PCDH9: variants seen among roughly 807,000 people sequenced by gnomAD.
PCDH9 encodes the protein protocadherin-9.
A neutral mutation model predicts 70.6 loss-of-function variants in PCDH9; 24 were observed. The ratio of observed to expected loss-of-function variants is 0.34; its 90% confidence interval spans 0.25 to 0.48. The LOEUF is 0.48. PCDH9 is among the 20% of genes least tolerant of loss of function. PCDH9 has a pLI of 0.99. For synonymous variants in PCDH9, 562 were observed against 558.5 expected (o/e 1.01, Z -0.09); for missense variants, 1,281 against 1,503.6 (o/e 0.85, Z 2.45).
At chr13:67,027,071 G>C (rs1173313047) in intron 2 of PCDH9, among the ~76,000 whole-genome samples, 1 of 151,982 alleles carries the variant, frequency 6.6e-6, no homozygotes, top group Non-Finnish European at 1.5e-5. Context: ...CTACTTTAAA[G>C]TTCATATGGA....
At chr13:66,906,944 G>A (rs187076796) in intron 2 of PCDH9, among the ~76,000 whole-genome samples, 1 of 150,592 alleles carries the variant, frequency 6.6e-6, no homozygotes, top group African/African-American at 2.4e-5. Flanking sequence ...AGTGGCTCAC[G>A]CCTGTAATCC....
intron 2 of PCDH9, chr13:67,218,472 CA>C (rs1422577836): frequency 3.3e-5 from 5 of 152,054 alleles, no homozygotes; most frequent in Non-Finnish European, 7.4e-5. Context: ...ATTAGCTCCT[CA>C]ATATCCTGAA....
intron 2 of PCDH9, among the ~76,000 whole-genome samples, chr13:67,132,056 G>A (rs1272464786): frequency 6.6e-6 from 1 of 152,078 alleles, no homozygotes; most frequent in East Asian, 1.9e-4. Context: ...TTTCCATTCA[G>A]GAGAACTAAA....
chr13:66,630,611 A>T (rs1240615150), intron 4 of PCDH9: 1 of 152,206 alleles, frequency 6.6e-6, no homozygotes, highest in Non-Finnish European at 1.5e-5. Flanking sequence ...TAGTAAAAAA[A>T]CAAATTATCC....
chr13:66,967,524 T>C (rs1392536507), intron 2 of PCDH9, among the ~76,000 whole-genome samples: 1 of 152,018 alleles, frequency 6.6e-6, no homozygotes, highest in Non-Finnish European at 1.5e-5. Context: ...TTTAGTGTAA[T>C]AGAAATTTTC....
chr13:66,462,681 A>G (rs1003135310), intron 4 of PCDH9, among the ~76,000 whole-genome samples: 28 of 151,744 alleles, frequency 1.8e-4, no homozygotes, highest in African/African-American at 6.8e-4. Context: ...AGCTTGGGAA[A>G]CGCTGGGCTA....
chr13:66,433,006 T>C (rs933463150), intron 4 of PCDH9, among the ~76,000 whole-genome samples: 11 of 151,908 alleles, frequency 7.2e-5, no homozygotes, highest in African/African-American at 2.4e-4. Flanking sequence ...GAAAATCCTA[T>C]ATAGCATAAA....
intron 4 of PCDH9, among the ~76,000 whole-genome samples, chr13:66,502,464 A>G (rs1220292166): frequency 1.3e-5 from 2 of 152,152 alleles, no homozygotes; most frequent in East Asian, 3.8e-4. Context: ...TTAAAGAAAC[A>G]CACAAGTGAT....
intron 4 of PCDH9, among the ~76,000 whole-genome samples, chr13:66,556,990 T>C (rs1301368199): frequency 6.6e-6 from 1 of 152,150 alleles, no homozygotes. Flanking sequence ...TCAGAGCTAA[T>C]GGCTGATGTG....
At chr13:66,775,869 C>T (rs530817631) in intron 3 of PCDH9, among the ~76,000 whole-genome samples, 1 of 152,142 alleles carries the variant, frequency 6.6e-6, no homozygotes, top group South Asian at 2.1e-4. Flanking sequence ...ACTGTGTTGA[C>T]CCTTTAGATG....
At chr13:67,009,223 C>T (rs1362353638) in intron 2 of PCDH9, among the ~76,000 whole-genome samples, 3 of 151,980 alleles carry the variant, frequency 2.0e-5, no homozygotes, top group Admixed American at 6.6e-5. Flanking sequence ...TCCCAACAAG[C>T]TTGTATATGA....
intron 2 of PCDH9, among the ~76,000 whole-genome samples, chr13:67,022,793 G>A (rs961188904): frequency 1.9e-4 from 28 of 151,056 alleles, no homozygotes; most frequent in Non-Finnish European, 3.7e-4. Context: ...TGTCCTCTCC[G>A]TTAGAGAAAA....
At chr13:66,526,705 A>C (rs1960232797) in intron 4 of PCDH9, among the ~76,000 whole-genome samples, 1 of 152,138 alleles carries the variant, frequency 6.6e-6, no homozygotes, top group Admixed American at 6.6e-5. Context: ...TAGAGTAACA[A>C]ATATGTGAAA....
chr13:66,538,198 G>T (rs1189957302), intron 4 of PCDH9, among the ~76,000 whole-genome samples: 1 of 152,012 alleles, frequency 6.6e-6, no homozygotes, highest in African/African-American at 2.4e-5. Flanking sequence ...CATGGAGACA[G>T]AAAGAAAGAT....
chr13:67,156,835 C>A (rs773052576), intron 2 of PCDH9, among the ~76,000 whole-genome samples: 10 of 152,130 alleles, frequency 6.6e-5, no homozygotes, highest in Non-Finnish European at 1.5e-4. Flanking sequence ...GGTGGGAGCC[C>A]CACAGCCTGC....
chr13:66,703,893 C>T (rs1336287299), intron 3 of PCDH9, among the ~76,000 whole-genome samples: 1 of 150,618 alleles, frequency 6.6e-6, no homozygotes, highest in Non-Finnish European at 1.5e-5. Flanking sequence ...AGAGCAAAAC[C>T]CTGTCTCAAT....
intron 2 of PCDH9, among the ~76,000 whole-genome samples, chr13:66,978,973 A>G (rs969143948): frequency 1.3e-4 from 20 of 151,976 alleles, no homozygotes; most frequent in African/African-American, 4.6e-4. Flanking sequence ...AATCTTATAC[A>G]TTTGTATTTA....
intron 3 of PCDH9, among the ~76,000 whole-genome samples, chr13:66,705,083 T>A (rs2078694511): frequency 6.6e-6 from 1 of 152,158 alleles, no homozygotes; most frequent in Admixed American, 6.5e-5. Context: ...AAGCAGTTGT[T>A]CTTGAAATGG....
At chr13:67,050,240 A>G (rs889990542) in intron 2 of PCDH9, among the ~76,000 whole-genome samples, 1 of 152,306 alleles carries the variant, frequency 6.6e-6, no homozygotes, top group Admixed American at 6.5e-5. Context: ...GGGTTCCTTA[A>G]ATATGTTTAA....
Sources: gnomAD v4.1 joint callset for allele counts (sites outside exome capture counted in the v4.1 genomes callset) on GRCh38, gnomAD v4.1.1 for gene constraint, MANE v1.5 for transcripts, NCBI Gene and HGNC (gene_info 2026-07-23, HGNC 2026-07-21) for gene names.